Variants in SGCD observed in about 807,000 individuals in gnomAD.
SGCD encodes the protein delta-sarcoglycan.
A neutral mutation model predicts 36.6 loss-of-function variants in SGCD; 18 were observed. That is an observed-to-expected ratio of 0.49 (90% CI 0.34 to 0.73). The LOEUF (loss-of-function observed/expected upper bound fraction) is 0.73, where lower values mean the gene tolerates loss of function less well. SGCD is among the 30% of genes least tolerant of loss of function. The probability of loss-of-function intolerance (pLI) is 0.01; values close to 1 mark genes in which losing one functional copy is unlikely to be tolerated. For synonymous variants in SGCD, 133 were observed against 130.6 expected (o/e 1.02, Z -0.12); for missense variants, 387 against 346.7 (o/e 1.12, Z -0.92).
chr5:156,545,544 C>A (rs1401805105), intron 4 of SGCD, among the ~76,000 whole-genome samples: 1 of 152,126 alleles, frequency 6.6e-6, no homozygotes, highest in Non-Finnish European at 1.5e-5. Context: ...GACCATCAGG[C>A]ACTAGACTCT....
chr5:155,738,126 A>G, the SGCD span, among the ~76,000 whole-genome samples: 1 of 152,194 alleles, frequency 6.6e-6, no homozygotes, highest in Non-Finnish European at 1.5e-5. Context: ...AGGCATTAAC[A>G]TAAGGACTGA....
In SGCD at chr5:156,116,297, T is replaced by C. The variant is rs537803552; in HGVS notation, c.-281-1581T>C. On this transcript the variant is annotated intron_variant, in intron 1 of 9. Coordinates refer to the SGCD transcript ENST00000517913. The stretch of plus-strand genomic sequence containing the variant: ...GCAGTGTTTTGATCATTTGCAGTTA[T>C]TATTCTTGGTGATGCTCTAATTTTT... 5.3e-5 allele frequency among the ~76,000 whole-genome samples: 8 copies of C among 152,270 alleles called. No homozygotes were observed. The South Asian group carries it at 1.0e-3, about 20-fold the overall frequency.
At chr5:156,119,782 G>A (rs959730601) in intron 2 of SGCD, among the ~76,000 whole-genome samples, 8 of 152,026 alleles carry the variant, frequency 5.3e-5, no homozygotes, top group South Asian at 2.1e-4. Flanking sequence ...TGTGAAACCC[G>A]TGTCTGTGTG....
chr5:156,082,809 T>A (rs1384035529), intron 1 of SGCD, among the ~76,000 whole-genome samples: 1 of 152,216 alleles, frequency 6.6e-6, no homozygotes, highest in Non-Finnish European at 1.5e-5. Flanking sequence ...GGTAGTTGCA[T>A]GTTTAATTTT....
intron 3 of SGCD, among the ~76,000 whole-genome samples, chr5:156,143,737 A>T (rs541586666): frequency 1.3e-5 from 2 of 149,770 alleles, no homozygotes; most frequent in Admixed American, 6.7e-5. Context: ...TTTTTTTGCA[A>T]TTTTTTTTTT....
chr5:155,907,987 C>A (rs1266499084), intron 1 of SGCD, among the ~76,000 whole-genome samples: 1 of 152,106 alleles, frequency 6.6e-6, no homozygotes, highest in Non-Finnish European at 1.5e-5. Flanking sequence ...ACTGCCACAG[C>A]CACTCCAACA....
the SGCD span, among the ~76,000 whole-genome samples, chr5:155,788,253 T>C: frequency 6.6e-6 from 1 of 152,188 alleles, no homozygotes; most frequent in African/African-American, 2.4e-5. Context: ...ATAGTTTAAG[T>C]ATTCTATTGT....
the SGCD span, among the ~76,000 whole-genome samples, chr5:155,817,797 A>AG: frequency 2.6e-5 from 4 of 152,164 alleles, no homozygotes; most frequent in Non-Finnish European, 5.9e-5. Context: ...AACGGCAGGT[A>AG]GGGGGTCCAC....
At chr5:156,655,941 C>T (rs1233562694) in intron 7 of SGCD, among the ~76,000 whole-genome samples, 2 of 152,018 alleles carry the variant, frequency 1.3e-5, no homozygotes, top group Non-Finnish European at 2.9e-5. Flanking sequence ...ACAGAGGCTT[C>T]CTTTGAATGC....
intron 1 of SGCD, among the ~76,000 whole-genome samples, chr5:155,929,295 C>T (rs191954764): frequency 2.0e-5 from 3 of 152,262 alleles, no homozygotes; most frequent in Admixed American, 6.5e-5. Context: ...ACTTGCTCAG[C>T]GGTTTGAATG....
intron 7 of SGCD, among the ~76,000 whole-genome samples, chr5:156,705,946 T>C (rs1007752253): frequency 1.3e-5 from 2 of 152,198 alleles, no homozygotes; most frequent in Non-Finnish European, 2.9e-5. Flanking sequence ...CAAATATGTT[T>C]ACTAAAATAC....
In SGCD at chr5:156,527,595, A is replaced by G. The variant is rs368644914; in HGVS notation, c.294+18893A>G. Among the ~76,000 whole-genome samples the G allele has an allele frequency of 1.8e-4, 27 of 152,286 alleles. No individual in the cohort carries two copies. The East Asian group carries it at 5.0e-3, about 28-fold the overall frequency. ...GCCCTTGAGCAAGTTACTTCTCTTC[A>G]TGTCTCAGTTTCTTTATCTGTGAAC... On this transcript the variant is annotated intron_variant, in intron 4 of 8. Coordinates refer to ENST00000337851, the MANE Select transcript of SGCD (RefSeq NM_000337.6).
At chr5:156,573,471 C>T (rs1759803657) in intron 4 of SGCD, among the ~76,000 whole-genome samples, 1 of 152,170 alleles carries the variant, frequency 6.6e-6, no homozygotes, top group Non-Finnish European at 1.5e-5. Flanking sequence ...TAACTTTAAT[C>T]AGCAGTTACT....
chr5:156,003,792 C>T (rs547006440), intron 1 of SGCD, among the ~76,000 whole-genome samples: 70 of 152,278 alleles, frequency 4.6e-4, no homozygotes, highest in African/African-American at 1.6e-3. Context: ...TAATGATCCT[C>T]AGGGCCCCCA....
At chr5:156,705,457 C>G (rs1412754886) in intron 7 of SGCD, among the ~76,000 whole-genome samples, 2 of 152,130 alleles carry the variant, frequency 1.3e-5, no homozygotes, top group Non-Finnish European at 2.9e-5. Flanking sequence ...TCTCTCTTCT[C>G]CTCTGCTGGA....
At chr5:156,304,531 T>C (rs1020190391) in intron 3 of SGCD, among the ~76,000 whole-genome samples, 1 of 152,234 alleles carries the variant, frequency 6.6e-6, no homozygotes, top group Non-Finnish European at 1.5e-5. Flanking sequence ...TTAAACCTTT[T>C]TGTTTTGTAA....
chr5:156,444,102 CTCTCTCTCTCT>C (rs1445858820), intron 3 of SGCD, among the ~76,000 whole-genome samples: 2,896 of 115,726 alleles, frequency 0.025, 243 homozygotes, highest in African/African-American at 0.11. Context: ...CTCTCTCTCT[CTCTCTCTCTCT>C]CTCCCCTTCC....
chr5:155,824,746 A>T, the SGCD span, among the ~76,000 whole-genome samples: 2 of 152,168 alleles, frequency 1.3e-5, no homozygotes, highest in African/African-American at 4.8e-5. Context: ...TGTAGCTGTT[A>T]CACTGAGTGG....
Position 156,185,421 on chromosome 5 carries a change from A to G in SGCD, c.-44+61402A>G, listed in dbSNP as rs112948373. Among the ~76,000 whole-genome samples, 475 of 151,900 alleles carry G rather than the reference A, an allele frequency of 3.1e-3. 5 individuals are homozygous for G. The highest frequency in any genetic ancestry group is 0.011 in the African/African-American group (447 of 41,470). On this transcript the variant is annotated intron_variant, in intron 3 of 9. Coordinates refer to the SGCD transcript ENST00000517913. ...AGCAGAGACGGGGTTTCACCACGTT[A>G]GCCAGGATGGTCTCGATCTCCTGAC...
Sources: allele counts gnomAD v4.1 joint callset (sites outside exome capture counted in the v4.1 genomes callset), GRCh38; gene constraint gnomAD v4.1.1; transcripts MANE v1.5; gene names NCBI Gene and HGNC (gene_info 2026-07-23, HGNC 2026-07-21).